The following GRM7 variants were observed in gnomAD, a reference collection of about 807,000 sequenced individuals.
GRM7 encodes metabotropic glutamate receptor 7.
In GRM7, 35 loss-of-function variants were observed where a neutral mutation model predicts 84.5. That is an observed-to-expected ratio of 0.41 (90% CI 0.32 to 0.55). GRM7 has a LOEUF of 0.55. Among genes scored for constraint, GRM7 ranks in the 20% least tolerant of loss-of-function variants. The pLI is 0.19. For missense variants in GRM7, 1,003 were observed against 1,194.6 expected (o/e 0.84, Z 2.36); for synonymous variants, 487 against 455.1 (o/e 1.07, Z -0.89).
intron 1 of GRM7, among the ~76,000 whole-genome samples, chr3:6,902,850 TACACACACACACAC>T (rs34849112): frequency 7.4e-5 from 10 of 134,544 alleles, no homozygotes; most frequent in African/African-American, 2.6e-4. Flanking sequence ...AACAGACTCC[TACACACACACACAC>T]ACACACACAC....
At chr3:6,894,435 C>G (rs1200675177) in intron 1 of GRM7, among the ~76,000 whole-genome samples, 2 of 151,970 alleles carry the variant, frequency 1.3e-5, no homozygotes, top group Non-Finnish European at 2.9e-5. Context: ...TATATTGTGG[C>G]AGAAAAGGGA....
intron 4 of GRM7, 46 bp downstream of exon 4, chr3:7,306,698 C>T (rs1444085265): frequency 6.7e-7 from 1 of 1,496,708 alleles, no homozygotes; most frequent in Admixed American, 2.2e-5. Flanking sequence ...AGTTCTGGTG[C>T]CATGCTGAAT....
chr3:7,525,156 C>A (rs1700744431), intron 7 of GRM7, among the ~76,000 whole-genome samples: 1 of 151,422 alleles, frequency 6.6e-6, no homozygotes, highest in Non-Finnish European at 1.5e-5. Context: ...AGGAGATATA[C>A]CTAATGCTAA....
chr3:7,622,579 T>C (rs1245908699), intron 8 of GRM7, among the ~76,000 whole-genome samples: 1 of 151,950 alleles, frequency 6.6e-6, no homozygotes, highest in East Asian at 1.9e-4. Context: ...CACTGTGGCA[T>C]AGAGAATACG....
At chr3:7,710,003 GTGGGACTTC>G (rs1323795979) in intron 9 of GRM7, among the ~76,000 whole-genome samples, 1 of 152,040 alleles carries the variant, frequency 6.6e-6, no homozygotes, top group Admixed American at 6.6e-5. Flanking sequence ...CAGGTCATGG[GTGGGACTTC>G]TGGAATCTGA....
chr3:7,014,539 C>T (rs1384843078), intron 1 of GRM7, among the ~76,000 whole-genome samples: 1 of 152,024 alleles, frequency 6.6e-6, no homozygotes, highest in African/African-American at 2.4e-5. Flanking sequence ...TGGTCTTGAA[C>T]TCCTGGCCTC....
At chr3:6,890,100 G>A (rs1415422072) in intron 1 of GRM7, among the ~76,000 whole-genome samples, 2 of 151,880 alleles carry the variant, frequency 1.3e-5, no homozygotes, top group Admixed American at 6.6e-5. Flanking sequence ...ATTTTTTATT[G>A]CGTCTATTTG....
At chr3:7,412,790 G>T (rs917513898) in intron 4 of GRM7, among the ~76,000 whole-genome samples, 2 of 151,512 alleles carry the variant, frequency 1.3e-5, no homozygotes, top group African/African-American at 4.9e-5. Context: ...AATACCATCT[G>T]CCCCTTATAA....
At chr3:7,381,341 C>T (rs1221144410) in intron 4 of GRM7, among the ~76,000 whole-genome samples, 5 of 152,036 alleles carry the variant, frequency 3.3e-5, no homozygotes, top group African/African-American at 1.2e-4. Context: ...TCATTCTTTT[C>T]CCTACTCATT....
chr3:6,965,033 A>G (rs893025102), intron 1 of GRM7, among the ~76,000 whole-genome samples: 2 of 152,156 alleles, frequency 1.3e-5, no homozygotes, highest in African/African-American at 4.8e-5. Flanking sequence ...CCAATTAACC[A>G]TTGTGGGAAA....
intron 5 of GRM7, among the ~76,000 whole-genome samples, chr3:7,431,586 T>G (rs1178289727): frequency 6.6e-6 from 1 of 152,202 alleles, no homozygotes; most frequent in Non-Finnish European, 1.5e-5. Flanking sequence ...TAGCCACTTG[T>G]TATCTGTATA....
intron 2 of GRM7, among the ~76,000 whole-genome samples, chr3:7,174,614 T>C (rs1336292101): frequency 6.6e-6 from 1 of 152,216 alleles, no homozygotes; most frequent in Non-Finnish European, 1.5e-5. Flanking sequence ...TAGTCCTTGG[T>C]CTTTATTCCC....
chr3:7,623,613 G>A (rs1697466461), intron 8 of GRM7, among the ~76,000 whole-genome samples: 1 of 152,112 alleles, frequency 6.6e-6, no homozygotes, highest in South Asian at 2.1e-4. Flanking sequence ...CCACTTGGCT[G>A]ACTGCAGATC....
At chr3:7,332,466 C>T (rs1701245973) in intron 4 of GRM7, among the ~76,000 whole-genome samples, 1 of 152,174 alleles carries the variant, frequency 6.6e-6, no homozygotes, top group Non-Finnish European at 1.5e-5. Flanking sequence ...AGCATACATA[C>T]ATAAGCTTTG....
chr3:7,453,831 G>T (rs1212570195), intron 6 of GRM7, among the ~76,000 whole-genome samples: 6 of 152,146 alleles, frequency 3.9e-5, no homozygotes, highest in Non-Finnish European at 8.8e-5. Flanking sequence ...GGTGAGGCCT[G>T]TCTGTCCAGA....
intron 2 of GRM7, among the ~76,000 whole-genome samples, chr3:7,197,029 G>C (rs567448026): frequency 6.6e-6 from 1 of 152,116 alleles, no homozygotes; most frequent in African/African-American, 2.4e-5. Flanking sequence ...ATTAAAGGAG[G>C]TCTTAGAGCT....
chr3:6,886,196 A>G (rs1269126924), intron 1 of GRM7, among the ~76,000 whole-genome samples: 3 of 151,906 alleles, frequency 2.0e-5, no homozygotes, highest in African/African-American at 7.3e-5. Context: ...AACTATAGTC[A>G]CCATGTTGTA....
At chr3:6,882,714 T>C (rs73124753) in intron 1 of GRM7, among the ~76,000 whole-genome samples, 9,092 of 152,232 alleles carry the variant, frequency 0.06, 898 homozygotes, top group African/African-American at 0.2. Flanking sequence ...AAAAATGTTT[T>C]GTATCTTTTT....
At chr3:7,184,854 A>G (rs1695461798) in intron 2 of GRM7, among the ~76,000 whole-genome samples, 2 of 152,158 alleles carry the variant, frequency 1.3e-5, no homozygotes, top group African/African-American at 4.8e-5. Flanking sequence ...TCTCGTGTTT[A>G]TAATGATTGT....
Sources: allele counts gnomAD v4.1 joint callset (sites outside exome capture counted in the v4.1 genomes callset), GRCh38; gene constraint gnomAD v4.1.1; transcripts MANE v1.5; gene names NCBI Gene and HGNC (gene_info 2026-07-23, HGNC 2026-07-21).